The following ACSM5 variants were observed in gnomAD, a reference collection of about 807,000 sequenced individuals.
ACSM5 encodes acyl-CoA synthetase medium chain family member 5.
A neutral mutation model predicts 71.6 loss-of-function variants in ACSM5; 56 were observed. The observed-to-expected ratio is 0.78, with a 90% CI of 0.63 to 0.98. The LOEUF is 0.98. Ranked by LOEUF, ACSM5 falls within the 50% of genes least tolerant of loss-of-function variation. ACSM5 has a pLI of 0.00. For synonymous variants in ACSM5, 285 were observed against 281.5 expected, an observed-to-expected ratio of 1.01 and a Z score of -0.12; for missense variants, 723 against 726.0, an observed-to-expected ratio of 1.00 and a Z score of 0.05.
chr16:20,425,278 TA>T (rs201939714), intron 6 of ACSM5, among the ~76,000 whole-genome samples: 6,692 of 152,278 alleles, frequency 0.044, 161 homozygotes, highest in South Asian at 0.06. Flanking sequence ...TTATTTCACT[TA>T]ACATAATGAT....
chr16:20,436,793 A>G (rs1228870017), intron 10 of ACSM5, among the ~76,000 whole-genome samples: 2 of 151,640 alleles, frequency 1.3e-5, no homozygotes, highest in Non-Finnish European at 2.9e-5. Context: ...TGCTTTCTAG[A>G]CCCCCTTCTA....
At chr16:20,425,560 G>C (rs1432401151) in intron 6 of ACSM5, among the ~76,000 whole-genome samples, 1 of 152,118 alleles carries the variant, frequency 6.6e-6, no homozygotes, top group African/African-American at 2.4e-5. Context: ...CCAATTTGTA[G>C]TCTTTTATCC....
intron 2 of ACSM5, among the ~76,000 whole-genome samples, chr16:20,416,318 T>C (rs570640970): frequency 6.6e-6 from 1 of 151,188 alleles, no homozygotes; most frequent in Admixed American, 6.6e-5. Context: ...CACACTTTTC[T>C]ATTTCAAGTC....
intron 8 of ACSM5, among the ~76,000 whole-genome samples, chr16:20,430,777 G>T (rs944569924): frequency 8.1e-5 from 12 of 148,614 alleles, no homozygotes; most frequent in Non-Finnish European, 1.8e-4. Context: ...GAAAGAAAGA[G>T]GAAAGGAAGG....
At chr16:20,428,715 A>C (rs1345013766) in intron 7 of ACSM5, among the ~76,000 whole-genome samples, 1 of 152,200 alleles carries the variant, frequency 6.6e-6, no homozygotes, top group Admixed American at 6.5e-5. Flanking sequence ...GTGCATCTCC[A>C]CATGATGATT....
At chr16:20,415,325 G>A (rs1393665791) in intron 2 of ACSM5, among the ~76,000 whole-genome samples, 1 of 152,196 alleles carries the variant, frequency 6.6e-6, no homozygotes, top group African/African-American at 2.4e-5. Flanking sequence ...CTAGCAATTC[G>A]AGTATCAAAA....
chr16:20,413,585 A>C (rs1452705864), intron 2 of ACSM5, among the ~76,000 whole-genome samples: 2 of 152,228 alleles, frequency 1.3e-5, no homozygotes, highest in African/African-American at 4.8e-5. Context: ...AGATTCACCA[A>C]AGAGTGAAAA....
intron 3 of ACSM5, among the ~76,000 whole-genome samples, chr16:20,418,723 A>G (rs1332926582): frequency 6.6e-6 from 1 of 152,168 alleles, no homozygotes; most frequent in Non-Finnish European, 1.5e-5. Context: ...GTGGTTTGGG[A>G]GCCTTGCTTT....
At chr16:20,436,825 C>A (rs937403809) in intron 10 of ACSM5, among the ~76,000 whole-genome samples, 4 of 152,242 alleles carry the variant, frequency 2.6e-5, no homozygotes, top group African/African-American at 7.2e-5. Context: ...GGGTGACTGC[C>A]CTTAACCATT....
chr16:20,429,574 C>A, intron 7 of ACSM5, 104 bp from the exon 8 acceptor site: 1 of 1,515,432 alleles, frequency 6.6e-7, no homozygotes, highest in Non-Finnish European at 9.1e-7. Context: ...GCAGGGGCAT[C>A]TACCCTCTAG....
chr16:20,424,323 A>C (rs1966935509), intron 6 of ACSM5, among the ~76,000 whole-genome samples: 1 of 152,102 alleles, frequency 6.6e-6, no homozygotes, highest in Non-Finnish European at 1.5e-5. Flanking sequence ...TGTTTCCACC[A>C]CTTTCTTCCC....
chr16:20,417,125 T>C (rs1040915254), intron 2 of ACSM5, among the ~76,000 whole-genome samples: 2 of 151,974 alleles, frequency 1.3e-5, no homozygotes, highest in African/African-American at 4.8e-5. Flanking sequence ...TGCAGTGCTG[T>C]GGAAAACAGT....
rs764509090 is a variant in ACSM5, at chr16:20,411,590, G to A, written c.106G>A (p.Val36Met). ...ACCTCTACCTGTTCCTCAGAAGATCGTGGCCACCTGGGAAGCCATCAGCCT... is the reference window on the plus strand; with the variant it reads ...ACCTCTACCTGTTCCTCAGAAGATCATGGCCACCTGGGAAGCCATCAGCCT... ...PAPLPVPQKIVATWEAISLGR... is the reference protein window; with the variant it reads ...PAPLPVPQKIMATWEAISLGR... The change falls in exon 2 of 14, where the codon GTG (valine) becomes ATG (methionine). Residue 36 changes from valine (V) to methionine (M), a missense_variant. Physicochemically the swap from Val to Met is conservative, Grantham distance 21. Transcript: ENST00000331849. 55 of 1,614,030 alleles carry A rather than the reference G, an allele frequency of 3.4e-5. No individual in the cohort carries two copies. The highest frequency in any genetic ancestry group is 4.5e-5 in the East Asian group (2 of 44,866).
At chr16:20,415,501 C>A (rs1039794694) in intron 2 of ACSM5, among the ~76,000 whole-genome samples, 5 of 152,188 alleles carry the variant, frequency 3.3e-5, no homozygotes, top group African/African-American at 1.2e-4. Context: ...CCACTAGTTT[C>A]TTGAGAATGT....
rs1412033203 is a variant in ACSM5, at chr16:20,421,784, C to A, written c.767+383C>A. Among the ~76,000 whole-genome samples, 3 of 151,526 alleles carry A rather than the reference C, an allele frequency of 2.0e-5. No individual in the cohort carries two copies. The East Asian group carries it at 5.8e-4, about 29-fold the overall frequency. ...AAATACATTCACATTGTTGTGCAACCACAATCACCATCCATTTCCAGAATT... is the reference window on the plus strand; with the variant it reads ...AAATACATTCACATTGTTGTGCAACAACAATCACCATCCATTTCCAGAATT... On this transcript the variant is annotated intron_variant, in intron 5 of 13. Coordinates refer to ENST00000331849, the MANE Select transcript of ACSM5 (RefSeq NM_017888.3).
chr16:20,419,133 C>A, intron 3 of ACSM5, 95 bp from the exon 4 acceptor site: 7 of 1,134,934 alleles, frequency 6.2e-6, no homozygotes, highest in Admixed American at 3.9e-5. Context: ...TCATGCATTC[C>A]AACCCTCCCC....
chr16:20,410,758 TA>T (rs1263576398), intron 1 of ACSM5, among the ~76,000 whole-genome samples: 1 of 151,746 alleles, frequency 6.6e-6, no homozygotes, highest in Non-Finnish European at 1.5e-5. Context: ...TTAAAAATAA[TA>T]AAATTAAATA....
chr16:20,411,172 C>G (rs1175415533), intron 1 of ACSM5, among the ~76,000 whole-genome samples: 1 of 152,200 alleles, frequency 6.6e-6, no homozygotes, highest in Admixed American at 6.5e-5. Context: ...CAGGATTGGC[C>G]AAAGCCTTTT....
chr16:20,411,776 G>A (rs1596609497), intron 2 of ACSM5, 88 bp downstream of exon 2: 3 of 1,405,914 alleles, frequency 2.1e-6, no homozygotes, highest in South Asian at 1.2e-5. Context: ...CAAGCATGTT[G>A]ATGAGGAAAT....
Sources: gnomAD v4.1 joint callset for allele counts (sites outside exome capture counted in the v4.1 genomes callset) on GRCh38, gnomAD v4.1.1 for gene constraint, MANE v1.5 for transcripts, NCBI Gene and HGNC (gene_info 2026-07-23, HGNC 2026-07-21) for gene names.